The following PXDNL variants were observed in gnomAD, a reference collection of about 807,000 sequenced individuals.
The protein encoded by PXDNL is peroxidasin like, also known as probable oxidoreductase PXDNL.
PXDNL carries 145 observed loss-of-function variants against 150.8 expected under a neutral mutation model. That is an observed-to-expected ratio of 0.96 (90% CI 0.84 to 1.10). The LOEUF is 1.10. PXDNL is among the 50% of genes least tolerant of loss of function. PXDNL has a pLI of 0.00. For missense variants in PXDNL, 2,087 were observed against 1,873.9 expected, an observed-to-expected ratio of 1.11 and a Z score of -2.10; for synonymous variants, 757 against 725.7, an observed-to-expected ratio of 1.04 and a Z score of -0.69.
chr8:51,714,590 C>G (rs924535337), intron 1 of PXDNL, among the ~76,000 whole-genome samples: 1 of 151,942 alleles, frequency 6.6e-6, no homozygotes, highest in East Asian at 1.9e-4. Context: ...TGTTGCTATT[C>G]TGAAAGCATT....
intron 1 of PXDNL, among the ~76,000 whole-genome samples, chr8:51,766,815 G>A (rs2037237018): frequency 7.2e-5 from 11 of 151,820 alleles, no homozygotes; most frequent in Admixed American, 6.6e-4. Flanking sequence ...TATCCTACTT[G>A]GAGTTCATTG....
At chr8:51,656,064 G>A (rs1815143786) in intron 1 of PXDNL, among the ~76,000 whole-genome samples, 1 of 152,066 alleles carries the variant, frequency 6.6e-6, no homozygotes, top group Admixed American at 6.6e-5. Flanking sequence ...TTAGGCCCAA[G>A]GAGAAGTATA....
intron 13 of PXDNL, 57 bp from the exon 14 acceptor site, chr8:51,423,788 A>C (rs1809019354): frequency 2.0e-6 from 3 of 1,509,932 alleles, no homozygotes; most frequent in Non-Finnish European, 2.7e-6. Context: ...AAAATCATTT[A>C]TTTACTTTTT....
chr8:51,517,640 T>C (rs1811572457), intron 4 of PXDNL, among the ~76,000 whole-genome samples: 1 of 152,240 alleles, frequency 6.6e-6, no homozygotes, highest in Non-Finnish European at 1.5e-5. Flanking sequence ...GTGATAACAC[T>C]ATTATATGTG....
At chr8:51,634,114 T>C (rs1420317552) in intron 2 of PXDNL, among the ~76,000 whole-genome samples, 1 of 152,154 alleles carries the variant, frequency 6.6e-6, no homozygotes, top group African/African-American at 2.4e-5. Context: ...TTTGTGATCT[T>C]ATATCTGTAT....
At chr8:51,607,198 GA>G (rs1385411745) in intron 2 of PXDNL, among the ~76,000 whole-genome samples, 2 of 152,144 alleles carry the variant, frequency 1.3e-5, no homozygotes, top group African/African-American at 4.8e-5. Context: ...GTGGACATAG[GA>G]AATGGGGAGG....
chr8:51,667,147 C>T (rs147765863), intron 1 of PXDNL, among the ~76,000 whole-genome samples: 133 of 152,280 alleles, frequency 8.7e-4, no homozygotes, highest in African/African-American at 3.0e-3. Context: ...TCTGCTCAAT[C>T]ATGATCTCTT....
chr8:51,370,918 C>A (rs1393801836), intron 19 of PXDNL, among the ~76,000 whole-genome samples: 9 of 152,166 alleles, frequency 5.9e-5, no homozygotes, highest in African/African-American at 2.2e-4. Flanking sequence ...ACACTTCTAG[C>A]AGTGGCTTTC....
At chr8:51,332,044 C>T (rs746481676) in intron 21 of PXDNL, among the ~76,000 whole-genome samples, 1 of 152,050 alleles carries the variant, frequency 6.6e-6, no homozygotes, top group Non-Finnish European at 1.5e-5. Context: ...GAACATTAAA[C>T]CACCCAAGCT....
intron 3 of PXDNL, among the ~76,000 whole-genome samples, chr8:51,576,721 A>G (rs936922702): frequency 1.1e-4 from 17 of 151,868 alleles, no homozygotes; most frequent in African/African-American, 4.1e-4. Context: ...GAACTAAAAA[A>G]AAGCTGATTA....
chr8:51,659,640 A>T (rs1479907051), intron 1 of PXDNL, among the ~76,000 whole-genome samples: 1 of 152,126 alleles, frequency 6.6e-6, no homozygotes, highest in African/African-American at 2.4e-5. Flanking sequence ...CTCACAGCCC[A>T]TTATGCCTCC....
chr8:51,359,443 TC>T (rs1806640765), intron 19 of PXDNL, among the ~76,000 whole-genome samples: 1 of 151,832 alleles, frequency 6.6e-6, no homozygotes, highest in Non-Finnish European at 1.5e-5. Flanking sequence ...ATATAAGTGG[TC>T]ATGGGCAAAA....
At chr8:51,349,347 A>G (rs1563368614) in intron 19 of PXDNL, among the ~76,000 whole-genome samples, 4 of 152,166 alleles carry the variant, frequency 2.6e-5, no homozygotes, top group Non-Finnish European at 5.9e-5. Flanking sequence ...TCCCTAATGC[A>G]CAATCCACAG....
chr8:51,494,193 G>C (rs1270402514), intron 5 of PXDNL, among the ~76,000 whole-genome samples: 1 of 152,036 alleles, frequency 6.6e-6, no homozygotes, highest in African/African-American at 2.4e-5. Flanking sequence ...CTTCATAACT[G>C]AAGGATAAAT....
chr8:51,369,332 A>C (rs1185615028), intron 19 of PXDNL, among the ~76,000 whole-genome samples: 2 of 152,212 alleles, frequency 1.3e-5, no homozygotes, highest in African/African-American at 2.4e-5. Flanking sequence ...CAGAGATCTG[A>C]ATGTTCCAGC....
At chr8:51,355,715 G>A (rs1323329281) in intron 19 of PXDNL, among the ~76,000 whole-genome samples, 1 of 152,172 alleles carries the variant, frequency 6.6e-6, no homozygotes, top group Non-Finnish European at 1.5e-5. Flanking sequence ...GTCAATTGTA[G>A]AGTTTGCTGA....
chr8:51,363,841 T>C (rs1471119852), intron 19 of PXDNL, among the ~76,000 whole-genome samples: 1 of 152,180 alleles, frequency 6.6e-6, no homozygotes, highest in Non-Finnish European at 1.5e-5. Context: ...CAAGGGCTGA[T>C]GTTATAACAG....
chr8:51,574,959 G>T (rs73588743), intron 3 of PXDNL, among the ~76,000 whole-genome samples: 2 of 150,762 alleles, frequency 1.3e-5, no homozygotes, highest in African/African-American at 4.9e-5. Flanking sequence ...AATATGAGGC[G>T]TCGAGAAGAA....
intron 4 of PXDNL, among the ~76,000 whole-genome samples, chr8:51,529,508 T>A (rs7828994): frequency 6.6e-6 from 1 of 152,236 alleles, no homozygotes; most frequent in East Asian, 1.9e-4. Context: ...TCTAAGTCTC[T>A]TTTGCTGTTT....
Sources: gnomAD v4.1 joint callset for allele counts (sites outside exome capture counted in the v4.1 genomes callset) on GRCh38, gnomAD v4.1.1 for gene constraint, MANE v1.5 for transcripts, NCBI Gene and HGNC (gene_info 2026-07-23, HGNC 2026-07-21) for gene names.